The following PPARGC1A variants were observed in gnomAD, a reference collection of about 807,000 sequenced individuals.
PPARGC1A encodes PPARG coactivator 1 alpha.
Under a neutral mutation model 88.7 loss-of-function variants are expected in PPARGC1A, and 25 were observed. The ratio of observed to expected loss-of-function variants is 0.28; its 90% CI spans 0.21 to 0.39. The LOEUF (loss-of-function observed/expected upper bound fraction) is 0.39. Among genes scored for constraint, PPARGC1A ranks in the 10% least tolerant of loss-of-function variants. PPARGC1A has a pLI of 1.00. For missense variants in PPARGC1A, 880 were observed against 968.7 expected (o/e 0.91, Z 1.22); for synonymous variants, 363 against 355.6 (o/e 1.02, Z -0.24).
intron 2 of PPARGC1A, among the ~76,000 whole-genome samples, chr4:23,836,919 C>T (rs984059203): frequency 6.6e-6 from 1 of 152,070 alleles, no homozygotes; most frequent in Non-Finnish European, 1.5e-5. Flanking sequence ...TAACTGCCAC[C>T]TGAAGGGAGA....
chr4:24,060,036 G>A, the PPARGC1A span, among the ~76,000 whole-genome samples: 1 of 152,166 alleles, frequency 6.6e-6, no homozygotes, highest in Non-Finnish European at 1.5e-5. Flanking sequence ...AGAGCACTGA[G>A]CATGAAGAAT....
the PPARGC1A span, among the ~76,000 whole-genome samples, chr4:24,289,242 A>AAGAG: frequency 1.1e-4 from 11 of 95,816 alleles, no homozygotes; most frequent in Admixed American, 2.7e-4. Flanking sequence ...AAAAAAAAAA[A>AAGAG]AGAGAGAGAG....
At chr4:24,226,944 A>G in the PPARGC1A span, among the ~76,000 whole-genome samples, 2 of 152,180 alleles carry the variant, frequency 1.3e-5, no homozygotes, top group Non-Finnish European at 2.9e-5. Flanking sequence ...GGAACTTCTT[A>G]TAGGATCTTT....
chr4:23,922,204 G>T, the PPARGC1A span, among the ~76,000 whole-genome samples: 1 of 152,114 alleles, frequency 6.6e-6, no homozygotes, highest in Non-Finnish European at 1.5e-5. Flanking sequence ...TAATGGACTG[G>T]GTGCTTGGCA....
the PPARGC1A span, among the ~76,000 whole-genome samples, chr4:24,366,367 G>C: frequency 5.9e-5 from 9 of 152,054 alleles, no homozygotes; most frequent in Non-Finnish European, 1.2e-4. Flanking sequence ...AATTTATGTG[G>C]GAGCTGAAAT....
At chr4:24,299,974 G>A in the PPARGC1A span, among the ~76,000 whole-genome samples, 1 of 152,170 alleles carries the variant, frequency 6.6e-6, no homozygotes, top group Non-Finnish European at 1.5e-5. Context: ...TGTTTGTGAT[G>A]TGCAAATTAA....
chr4:24,397,905 C>T, the PPARGC1A span, among the ~76,000 whole-genome samples: 1 of 152,182 alleles, frequency 6.6e-6, no homozygotes. Context: ...GTAACTAGGT[C>T]TATACTGACT....
At chr4:24,213,141 G>T in the PPARGC1A span, among the ~76,000 whole-genome samples, 1 of 150,382 alleles carries the variant, frequency 6.6e-6, no homozygotes, top group South Asian at 2.1e-4. Flanking sequence ...GTCTCAGCTG[G>T]TCAGGGCACA....
At chr4:23,799,139 T>A (rs1042654388) in intron 12 of PPARGC1A, among the ~76,000 whole-genome samples, 2 of 152,196 alleles carry the variant, frequency 1.3e-5, no homozygotes, top group Non-Finnish European at 2.9e-5. Context: ...TCCAGTATAT[T>A]CTTATGCCCT....
At chr4:23,897,772 T>C (rs1039695510) in intron 1 of PPARGC1A, among the ~76,000 whole-genome samples, 19 of 152,246 alleles carry the variant, frequency 1.2e-4, no homozygotes, top group African/African-American at 4.6e-4. Context: ...ACCACAGGTA[T>C]TGGCTCTGAG....
At chr4:24,451,789 G>A in the PPARGC1A span, among the ~76,000 whole-genome samples, 12 of 152,138 alleles carry the variant, frequency 7.9e-5, no homozygotes, top group African/African-American at 2.9e-4. Flanking sequence ...CGTTGGCCAG[G>A]ATGATCTCGA....
chr4:24,113,276 G>T, the PPARGC1A span, among the ~76,000 whole-genome samples: 2 of 152,038 alleles, frequency 1.3e-5, no homozygotes, highest in Admixed American at 6.5e-5. Context: ...GAAGAGAAAT[G>T]AAGAGATGGA....
the PPARGC1A span, among the ~76,000 whole-genome samples, chr4:24,027,253 A>ATGTGTGTGTGTGTGTG: frequency 1.0e-5 from 1 of 95,886 alleles, no homozygotes; most frequent in African/African-American, 3.3e-5. Context: ...GTGTGCGTGC[A>ATGTGTGTGTGTGTGTG]TATTTTTGCC....
chr4:24,220,920 C>T, the PPARGC1A span, among the ~76,000 whole-genome samples: 1 of 152,064 alleles, frequency 6.6e-6, no homozygotes, highest in African/African-American at 2.4e-5. Context: ...TTCCTTTGCA[C>T]AACTCTAGGA....
At chr4:24,433,942 G>A in the PPARGC1A span, among the ~76,000 whole-genome samples, 5 of 152,212 alleles carry the variant, frequency 3.3e-5, no homozygotes, top group African/African-American at 1.2e-4. Context: ...CTCGCTGGCC[G>A]CCATAATGAC....
chr4:24,318,088 C>T, the PPARGC1A span, among the ~76,000 whole-genome samples: 1 of 152,060 alleles, frequency 6.6e-6, no homozygotes, highest in Non-Finnish European at 1.5e-5. Context: ...ATAATGGGGC[C>T]GCTCAAAGAT....
the PPARGC1A span, among the ~76,000 whole-genome samples, chr4:24,083,229 A>G: frequency 6.6e-6 from 1 of 152,158 alleles, no homozygotes; most frequent in Non-Finnish European, 1.5e-5. Context: ...TGAGAAAACT[A>G]CTAGAAGAGA....
the PPARGC1A span, among the ~76,000 whole-genome samples, chr4:24,375,255 A>C: frequency 8.0e-6 from 1 of 125,750 alleles, no homozygotes; most frequent in African/African-American, 2.6e-5. Flanking sequence ...TAGACACCAC[A>C]CATTTCAGTT....
the PPARGC1A span, among the ~76,000 whole-genome samples, chr4:24,290,516 A>G: frequency 7.9e-5 from 12 of 152,154 alleles, no homozygotes; most frequent in Non-Finnish European, 1.8e-4. Flanking sequence ...TGGGTTGTCA[A>G]AAGAAATAAA....
Sources: allele counts gnomAD v4.1 joint callset (sites outside exome capture counted in the v4.1 genomes callset), GRCh38; gene constraint gnomAD v4.1.1; transcripts MANE v1.5; gene names NCBI Gene and HGNC (gene_info 2026-07-23, HGNC 2026-07-21).